The following DAB1 variants were observed in gnomAD, a reference collection of about 807,000 sequenced individuals.
DAB1 encodes the protein disabled homolog 1.
DAB1 carries 15 observed loss-of-function variants against 64.6 expected under a neutral mutation model. That is an observed-to-expected ratio of 0.23 (90% confidence interval 0.16 to 0.36). DAB1 has a LOEUF of 0.36. Among genes scored for constraint, DAB1 ranks in the 10% least tolerant of loss-of-function variants. The pLI, the probability that DAB1 is intolerant of heterozygous loss-of-function variation, is 1.00. For missense variants in DAB1, 596 were observed against 706.7 expected (o/e 0.84, Z 1.78); for synonymous variants, 235 against 251.9 (o/e 0.93, Z 0.64).
At chr1:57,585,694 T>G (rs1468548264) in intron 7 of DAB1, among the ~76,000 whole-genome samples, 2 of 152,196 alleles carry the variant, frequency 1.3e-5, no homozygotes, top group African/African-American at 2.4e-5. Flanking sequence ...TCTGAGACTC[T>G]ATGATCAATT....
At chr1:58,014,962 C>G (rs1646717981) in intron 5 of DAB1, among the ~76,000 whole-genome samples, 1 of 152,206 alleles carries the variant, frequency 6.6e-6, no homozygotes, top group African/African-American at 2.4e-5. Flanking sequence ...TTTCCAAAGG[C>G]TGTGCTAAGC....
At chr1:58,405,830 A>G (rs1040150748) in intron 3 of DAB1, among the ~76,000 whole-genome samples, 20 of 152,198 alleles carry the variant, frequency 1.3e-4, no homozygotes, top group African/African-American at 4.6e-4. Context: ...GACTTGCCTC[A>G]TTTCTCACAG....
At chr1:57,768,183 A>G (rs964016421) in intron 6 of DAB1, among the ~76,000 whole-genome samples, 4 of 149,592 alleles carry the variant, frequency 2.7e-5, no homozygotes, top group African/African-American at 1.0e-4. Flanking sequence ...TCTAAAAAAA[A>G]AAAAAAAAAA....
intron 5 of DAB1, among the ~76,000 whole-genome samples, chr1:57,897,994 G>A (rs1237530613): frequency 2.6e-5 from 4 of 152,136 alleles, no homozygotes; most frequent in Admixed American, 6.5e-5. Context: ...AGGTCCTGCA[G>A]GAAGGAATGG....
intron 10 of DAB1, 29 bp downstream of exon 10, chr1:57,025,952 G>C (rs1646771455): frequency 6.5e-7 from 1 of 1,530,432 alleles, no homozygotes; most frequent in Non-Finnish European, 8.8e-7. Flanking sequence ...AATTCAGAGA[G>C]CAGGGTTCAG....
intron 4 of DAB1, among the ~76,000 whole-genome samples, chr1:58,300,630 G>GAGAC (rs1553173898): frequency 5.4e-4 from 38 of 70,928 alleles, no homozygotes; most frequent in African/African-American, 1.9e-3. Context: ...GAGAGAGAGA[G>GAGAC]AGAGAGAGAG....
At chr1:57,428,934 A>G (rs899244982), upstream of DAB1, among the ~76,000 whole-genome samples, 2 of 146,210 alleles carry the variant, frequency 1.4e-5, no homozygotes, top group African/African-American at 5.0e-5. Context: ...TTTTTTTGAG[A>G]CAGGGTCTCA....
chr1:58,027,533 G>T (rs1646911904), intron 5 of DAB1, among the ~76,000 whole-genome samples: 1 of 152,116 alleles, frequency 6.6e-6, no homozygotes, highest in Admixed American at 6.6e-5. Flanking sequence ...CAATTTTGGG[G>T]TGTTGGTTAT....
chr1:57,678,863 T>C (rs1222215364), intron 6 of DAB1, among the ~76,000 whole-genome samples: 2 of 148,810 alleles, frequency 1.3e-5, no homozygotes, highest in Non-Finnish European at 3.0e-5. Flanking sequence ...GCCTCCCGGG[T>C]TCACACCATT....
At chr1:57,830,401 T>G (rs2101903622) in intron 1 of DAB1, among the ~76,000 whole-genome samples, 1 of 152,286 alleles carries the variant, frequency 6.6e-6, no homozygotes, top group Middle Eastern at 3.4e-3. Flanking sequence ...AGCACATGAC[T>G]AAATAGCAGG....
chr1:57,545,570 T>A (rs550371426), intron 7 of DAB1, among the ~76,000 whole-genome samples: 2 of 152,322 alleles, frequency 1.3e-5, no homozygotes, highest in African/African-American at 4.8e-5. Context: ...CCCTGGTTCC[T>A]GGGTGACCCA....
chr1:57,823,274 C>T (rs75431397), downstream of DAB1, among the ~76,000 whole-genome samples: 117 of 151,704 alleles, frequency 7.7e-4, no homozygotes, highest in African/African-American at 2.7e-3. Context: ...TGAGCCACTG[C>T]GCCCAGCTGA....
At chr1:57,077,961 T>TA (rs879323496) in intron 4 of DAB1, among the ~76,000 whole-genome samples, 1 of 152,088 alleles carries the variant, frequency 6.6e-6, no homozygotes, top group Non-Finnish European at 1.5e-5. Flanking sequence ...AGACACAGAA[T>TA]AAAAATAGAT....
Position 57,291,034 on chromosome 1 carries a change from A to G in DAB1, c.-4T>C. 1.2e-6 allele frequency: 2 copies of G among 1,609,210 alleles called. No homozygotes were observed. The highest frequency in any genetic ancestry group is 8.5e-7 in the Non-Finnish European group (1 of 1,177,290). On this transcript the variant is annotated 5_prime_UTR_variant, in exon 2 of 15. Transcript: ENST00000371236. ...GAAGTTCTGTCTCAGTTGACATCCT[A>G]CTTAATCCTTAGTCCACTTCACACA...
intron 2 of DAB1, among the ~76,000 whole-genome samples, chr1:57,184,922 G>A (rs944395210): frequency 2.0e-5 from 3 of 152,036 alleles, no homozygotes; most frequent in Admixed American, 2.0e-4. Context: ...AAATATAACT[G>A]AGCACATGGA....
At chr1:57,346,749 A>C (rs534251699) in intron 1 of DAB1, among the ~76,000 whole-genome samples, 1 of 152,310 alleles carries the variant, frequency 6.6e-6, no homozygotes, top group South Asian at 2.1e-4. Flanking sequence ...AGGTTACAGC[A>C]GTGTACATGA....
At chr1:58,306,972 C>A (rs991435975) in intron 4 of DAB1, among the ~76,000 whole-genome samples, 4 of 152,200 alleles carry the variant, frequency 2.6e-5, no homozygotes, top group African/African-American at 9.6e-5. Context: ...GCCCATTTGG[C>A]AGATTAGAAG....
At chr1:57,026,464 A>G (rs1646792587) in intron 9 of DAB1, among the ~76,000 whole-genome samples, 1 of 152,164 alleles carries the variant, frequency 6.6e-6, no homozygotes, top group African/African-American at 2.4e-5. Flanking sequence ...ACATGACTTC[A>G]TGGTCACGTC....
At chr1:57,522,339 C>T (rs72676937) in intron 7 of DAB1, among the ~76,000 whole-genome samples, 32,249 of 152,010 alleles carry the variant, frequency 0.21, 3,634 homozygotes, top group Non-Finnish European at 0.26. Context: ...CTCCAGAAAC[C>T]CTAAACTTGC....
Sources: allele counts gnomAD v4.1 joint callset (sites outside exome capture counted in the v4.1 genomes callset), GRCh38; gene constraint gnomAD v4.1.1; transcripts MANE v1.5; gene names NCBI Gene and HGNC (gene_info 2026-07-23, HGNC 2026-07-21).